ROBO2: variants seen among roughly 807,000 people sequenced by gnomAD.
The protein encoded by ROBO2 is roundabout guidance receptor 2, also known as roundabout homolog 2.
ROBO2 carries 53 observed loss-of-function variants against 160.8 expected under a neutral mutation model. The observed-to-expected ratio is 0.33, with a 90% CI of 0.26 to 0.41. The LOEUF is 0.41. ROBO2 is among the 10% of genes least tolerant of loss of function. ROBO2 has a pLI of 1.00. For synonymous variants in ROBO2, 664 were observed against 611.7 expected (o/e 1.09, Z -1.26); for missense variants, 1,577 against 1,722.4 (o/e 0.92, Z 1.49).
At chr3:77,082,485 T>G (rs1443592013) in intron 1 of ROBO2, among the ~76,000 whole-genome samples, 1 of 152,096 alleles carries the variant, frequency 6.6e-6, no homozygotes, top group Non-Finnish European at 1.5e-5. Flanking sequence ...TGAGGATAAC[T>G]AAAGAAATTA....
chr3:77,577,684 G>A (rs1249922197), intron 15 of ROBO2, 70 bp downstream of exon 16: 19 of 1,542,704 alleles, frequency 1.2e-5, no homozygotes. Context: ...TCTCACGAAT[G>A]AGACACATCT....
chr3:77,069,259 T>C (rs1344997715), intron 1 of ROBO2, among the ~76,000 whole-genome samples: 7 of 152,094 alleles, frequency 4.6e-5, no homozygotes, highest in Non-Finnish European at 8.8e-5. Context: ...AGAGTTCACT[T>C]AGGAGAAGGA....
intron 5 of ROBO2, among the ~76,000 whole-genome samples, chr3:77,508,052 A>G (rs1256698148): frequency 6.6e-6 from 1 of 151,882 alleles, no homozygotes; most frequent in Non-Finnish European, 1.5e-5. Flanking sequence ...CCCTTTCTCT[A>G]TAATCTAATC....
intron 2 of ROBO2, among the ~76,000 whole-genome samples, chr3:76,823,649 G>GCGGGGGCC (rs1436303836): frequency 6.6e-6 from 1 of 152,124 alleles, no homozygotes. Flanking sequence ...ATTAAAAATG[G>GCGGGGGCC]AAGCAATAGA....
At chr3:76,678,132 G>A (rs906141511) in intron 2 of ROBO2, among the ~76,000 whole-genome samples, 2 of 151,394 alleles carry the variant, frequency 1.3e-5, no homozygotes, top group Non-Finnish European at 1.5e-5. Flanking sequence ...CACCACGCCC[G>A]GCTAATTTTT....
At chr3:76,516,775 A>G (rs1264969878) in intron 2 of ROBO2, among the ~76,000 whole-genome samples, 1 of 152,170 alleles carries the variant, frequency 6.6e-6, no homozygotes, top group Non-Finnish European at 1.5e-5. Flanking sequence ...CGACCTAAAA[A>G]CAGTATTCAT....
intron 12 of ROBO2, among the ~76,000 whole-genome samples, chr3:77,566,202 T>G (rs2093474980): frequency 6.6e-6 from 1 of 151,982 alleles, no homozygotes; most frequent in Non-Finnish European, 1.5e-5. Flanking sequence ...TGAAATAAAG[T>G]CACCACGTGA....
intron 2 of ROBO2, among the ~76,000 whole-genome samples, chr3:76,387,992 AT>A (rs1174646753): frequency 6.6e-6 from 1 of 152,222 alleles, no homozygotes; most frequent in Non-Finnish European, 1.5e-5. Context: ...CTATATCAAT[AT>A]TCCAGAGTAG....
chr3:77,091,415 C>T (rs1370755755), intron 1 of ROBO2, among the ~76,000 whole-genome samples: 2 of 152,158 alleles, frequency 1.3e-5, no homozygotes, highest in South Asian at 2.1e-4. Flanking sequence ...TACCACTCAA[C>T]GTTGTAAAAT....
chr3:76,404,395 G>C (rs1221724117), intron 2 of ROBO2, among the ~76,000 whole-genome samples: 1 of 151,508 alleles, frequency 6.6e-6, no homozygotes, highest in Non-Finnish European at 1.5e-5. Context: ...GAGTAAAGCA[G>C]TTAATTTGGA....
intron 2 of ROBO2, among the ~76,000 whole-genome samples, chr3:76,988,721 A>G (rs1160989127): frequency 1.3e-5 from 2 of 152,144 alleles, no homozygotes; most frequent in Non-Finnish European, 2.9e-5. Flanking sequence ...CTGAGACATT[A>G]ATGCCTCTGA....
In ROBO2 at chr3:77,511,303, AAGG is replaced by A. The variant is rs1455678958; in HGVS notation, c.807-11469_807-11467del. Among the ~76,000 whole-genome samples, 228 of 152,018 alleles carry A rather than the reference AAGG, an allele frequency of 1.5e-3. 1 individual carries two copies. Among genetic ancestry groups the A allele is most frequent in the African/African-American group, 5.1e-3 (213 of 41,488 alleles). On this transcript the variant is annotated intron_variant, in intron 5 of 25. Coordinates refer to ENST00000461745, the Ensembl canonical transcript of ROBO2. Reference sequence around the variant, plus strand: ...ACAGGCTACACTGGTTAAAACTTGAAAGGAGTTCTGGTTTAGGGTGAGCAGGAT... The same window carrying A: ...ACAGGCTACACTGGTTAAAACTTGAAAGTTCTGGTTTAGGGTGAGCAGGAT...
At chr3:76,994,100 T>TG (rs1472576538) in intron 2 of ROBO2, among the ~76,000 whole-genome samples, 3 of 105,132 alleles carry the variant, frequency 2.9e-5, no homozygotes, top group African/African-American at 4.3e-5. Context: ...GTTTTTTTTT[T>TG]TTGTTGTTTT....
chr3:76,058,589 CTT>C (rs10676074), intron 2 of ROBO2, among the ~76,000 whole-genome samples: 1,488 of 48,716 alleles, frequency 0.031, 9 homozygotes, highest in East Asian at 0.22. Context: ...ACAGCAGAAA[CTT>C]TTTTTTTTTT....
chr3:76,999,988 G>T (rs1034998352), intron 2 of ROBO2, among the ~76,000 whole-genome samples: 2 of 152,044 alleles, frequency 1.3e-5, no homozygotes, highest in Non-Finnish European at 2.9e-5. Flanking sequence ...CATGCTTCCT[G>T]GTAAATTTCT....
chr3:76,587,579 C>T (rs992671181), intron 2 of ROBO2, among the ~76,000 whole-genome samples: 2 of 152,112 alleles, frequency 1.3e-5, no homozygotes, highest in Non-Finnish European at 2.9e-5. Flanking sequence ...ATCACGAGAA[C>T]AGAATGAGGG....
chr3:76,397,630 AG>A (rs1191177809), intron 2 of ROBO2, among the ~76,000 whole-genome samples: 2 of 151,328 alleles, frequency 1.3e-5, no homozygotes, highest in African/African-American at 2.5e-5. Flanking sequence ...ATTTACAAGA[AG>A]AAAACAAACA....
intron 2 of ROBO2, among the ~76,000 whole-genome samples, chr3:76,928,265 G>A (rs927227738): frequency 2.6e-5 from 4 of 152,060 alleles, no homozygotes; most frequent in South Asian, 2.1e-4. Context: ...GAACCAGCAA[G>A]GGAACAAATT....
At chr3:76,229,515 T>C (rs1364703384) in intron 2 of ROBO2, among the ~76,000 whole-genome samples, 4 of 152,110 alleles carry the variant, frequency 2.6e-5, no homozygotes, top group African/African-American at 4.8e-5. Context: ...TTCAGCCTAC[T>C]CAATTATTCT....
Sources: allele counts gnomAD v4.1 joint callset (sites outside exome capture counted in the v4.1 genomes callset), GRCh38; gene constraint gnomAD v4.1.1; transcripts MANE v1.5; gene names NCBI Gene and HGNC (gene_info 2026-07-23, HGNC 2026-07-21).